The following KIAA1549L variants were observed in gnomAD, a reference collection of about 807,000 sequenced individuals.
KIAA1549L encodes KIAA1549 like.
KIAA1549L carries 88 observed loss-of-function variants against 160.7 expected under a neutral mutation model. The ratio of observed to expected loss-of-function variants is 0.55; its 90% CI spans 0.46 to 0.65. The LOEUF is 0.65. KIAA1549L is among the 30% of genes least tolerant of loss of function. KIAA1549L has a pLI of 0.00. For synonymous variants in KIAA1549L, 950 were observed against 976.7 expected (o/e 0.97, Z 0.51); for missense variants, 2,258 against 2,437.5 (o/e 0.93, Z 1.55).
intron 9 of KIAA1549L, among the ~76,000 whole-genome samples, chr11:33,572,853 T>A (rs1855311549): frequency 6.6e-6 from 1 of 152,252 alleles, no homozygotes; most frequent in Non-Finnish European, 1.5e-5. Context: ...TGGTGTACAT[T>A]AATTCTATAG....
At chr11:33,600,287 C>T (rs1850321384) in intron 13 of KIAA1549L, among the ~76,000 whole-genome samples, 1 of 152,174 alleles carries the variant, frequency 6.6e-6, no homozygotes, top group Admixed American at 6.5e-5. Context: ...AGAAATCCTG[C>T]CATCAGCTCT....
intron 1 of KIAA1549L, among the ~76,000 whole-genome samples, chr11:33,456,002 GATGAAGAGGAC>G (rs1403028354): frequency 6.6e-6 from 1 of 152,182 alleles, no homozygotes; most frequent in African/African-American, 2.4e-5. Flanking sequence ...TGATGGTTGT[GATGAAGAGGAC>G]ATCTCTTAGG....
In KIAA1549L at chr11:33,393,200, C is replaced by T. The variant is rs1383472926; in HGVS notation, c.238+16311C>T. On this transcript the variant is annotated intron_variant, in intron 1 of 20. Transcript: ENST00000658780. ...TCCCCAGAGCCCTTTGCGCCCTTTA[C>T]ATTTTATTCTTTCTGCCTGGGAAGC... Among the ~76,000 whole-genome samples, 3 of 152,330 alleles carry T rather than the reference C, an allele frequency of 2.0e-5. No individual in the cohort carries two copies. In the East Asian group the frequency reaches 5.8e-4, roughly 29 times the overall value.
At position 33,543,136 on chromosome 11, in the gene KIAA1549L, A is replaced by G; in HGVS notation, c.1573A>G (p.Thr525Ala). The G allele has an allele frequency of 2.5e-6, 4 of 1,613,482 alleles. No homozygotes were observed. The highest frequency in any genetic ancestry group is 2.2e-5 in the East Asian group (1 of 44,846). ...CCCATCTCCTGTGCCAGAAATGCCCACTCTTCCAGCAGAGGGCAGTGATGG... is the reference window on the plus strand; with the variant it reads ...CCCATCTCCTGTGCCAGAAATGCCCGCTCTTCCAGCAGAGGGCAGTGATGG... ...ASPSPVPEMP[T>A]LPAEGSDGSP... Residue 525 changes from threonine to alanine, a missense_variant, in exon 2 of 21, where the codon ACT becomes GCT. Around this residue, in one of 6 missense-constraint regions of KIAA1549L, gnomAD observed 540 missense variants for 465.7 expected, o/e 1.16. Transcript: ENST00000658780.
At chr11:33,637,633 G>A (rs1269125315) in intron 16 of KIAA1549L, among the ~76,000 whole-genome samples, 1 of 152,212 alleles carries the variant, frequency 6.6e-6, no homozygotes, top group Non-Finnish European at 1.5e-5. Flanking sequence ...GTGTTGGTAG[G>A]ATTGGTTTCT....
chr11:33,606,079 A>G (rs1197148695), intron 13 of KIAA1549L, among the ~76,000 whole-genome samples: 1 of 152,120 alleles, frequency 6.6e-6, no homozygotes, highest in Non-Finnish European at 1.5e-5. Context: ...TTTATTTTAG[A>G]CAAATAAACC....
At position 33,609,782 on chromosome 11, in the gene KIAA1549L, G is replaced by C; in HGVS notation, c.5095G>C (p.Glu1699Gln). 1 of 1,611,808 alleles carries C rather than the reference G, an allele frequency of 6.2e-7. No homozygotes were observed. ...AGCCCTGAAGCAGAAGTCAGACATC[G>C]AGCACTATCGGAACAAGCTGCGCCT... ...NKALKQKSDI[E>Q]HYRNKLRLKA... The change falls in exon 15 of 21, where the codon GAG becomes CAG. Residue 1699 changes from glutamate to glutamine, a missense_variant. Glu to Gln is a conservative substitution (Grantham distance 29). Coordinates refer to ENST00000658780, the MANE Select transcript of KIAA1549L (RefSeq NM_012194.3).
intron 1 of KIAA1549L, among the ~76,000 whole-genome samples, chr11:33,509,828 C>T (rs1220757479): frequency 1.3e-5 from 2 of 152,236 alleles, no homozygotes; most frequent in Middle Eastern, 3.4e-3. Flanking sequence ...CAATAATGTC[C>T]CTCTCATCAT....
At chr11:33,529,468 T>C (rs1003744343) in intron 1 of KIAA1549L, among the ~76,000 whole-genome samples, 1 of 152,214 alleles carries the variant, frequency 6.6e-6, no homozygotes, top group African/African-American at 2.4e-5. Context: ...CAAGTTATGT[T>C]CCAAATACTC....
chr11:33,643,799 C>G (rs1036596543), intron 16 of KIAA1549L, among the ~76,000 whole-genome samples: 7 of 152,214 alleles, frequency 4.6e-5, no homozygotes, highest in African/African-American at 1.4e-4. Context: ...CTCTGAAATT[C>G]AGTTCTGAAT....
chr11:33,545,751 G>A (rs1854235301), intron 3 of KIAA1549L, among the ~76,000 whole-genome samples: 2 of 152,228 alleles, frequency 1.3e-5, no homozygotes, highest in Non-Finnish European at 2.9e-5. Flanking sequence ...CCTGATATCA[G>A]AAGTCCCAGG....
At chr11:33,484,264 T>G (rs1852474259) in intron 1 of KIAA1549L, among the ~76,000 whole-genome samples, 2 of 152,218 alleles carry the variant, frequency 1.3e-5, no homozygotes, top group African/African-American at 4.8e-5. Context: ...GATATCCACA[T>G]GGAGAATGTC....
At chr11:33,623,880 T>C (rs1383941425) in intron 16 of KIAA1549L, among the ~76,000 whole-genome samples, 6 of 152,198 alleles carry the variant, frequency 3.9e-5, no homozygotes, top group African/African-American at 1.4e-4. Context: ...ACTCAAGTGC[T>C]ATCTGCCTGC....
intron 1 of KIAA1549L, among the ~76,000 whole-genome samples, chr11:33,443,187 A>T (rs938201248): frequency 6.6e-6 from 1 of 152,076 alleles, no homozygotes; most frequent in East Asian, 1.9e-4. Flanking sequence ...TTTTAAAGAG[A>T]CAGGGTCTTG....
rs750430092 is a variant in KIAA1549L at position 33,559,957 on chromosome 11, C to A, written c.4018+46C>A. 5.7e-6 allele frequency: 9 copies of A among 1,574,776 alleles called. No individual in the cohort carries two copies. In the Admixed American group the frequency reaches 1.0e-4, roughly 18 times the overall value. ...GGGGACCCCAGTGTTTCCCCTGTGG[C>A]CTTTCTCCATTTAGCAAACATTTAT... is the stretch of plus-strand genomic sequence containing the variant. On this transcript the variant is annotated intron_variant, in intron 7 of 20. Coordinates refer to ENST00000658780, the MANE Select transcript of KIAA1549L (RefSeq NM_012194.3).
chr11:33,494,931 T>C (rs1311080172), intron 1 of KIAA1549L, among the ~76,000 whole-genome samples: 1 of 152,136 alleles, frequency 6.6e-6, no homozygotes, highest in African/African-American at 2.4e-5. Flanking sequence ...AGCAGAGTGA[T>C]CTTGATAGGA....
chr11:33,485,018 C>T (rs949645218), intron 1 of KIAA1549L, among the ~76,000 whole-genome samples: 16 of 152,214 alleles, frequency 1.1e-4, no homozygotes, highest in Non-Finnish European at 2.2e-4. Context: ...TCCTTCATCC[C>T]CTGATTTTGA....
At chr11:33,637,353 T>G (rs956334611) in intron 16 of KIAA1549L, among the ~76,000 whole-genome samples, 9 of 152,196 alleles carry the variant, frequency 5.9e-5, no homozygotes, top group African/African-American at 2.2e-4. Flanking sequence ...CTAACCGGCC[T>G]CCCATAAATT....
At chr11:33,595,759 T>C (rs1299485193) in intron 12 of KIAA1549L, among the ~76,000 whole-genome samples, 3 of 152,210 alleles carry the variant, frequency 2.0e-5, no homozygotes, top group African/African-American at 7.2e-5. Flanking sequence ...AGATAAAGAC[T>C]GCCTTCCCTC....
Sources: gnomAD v4.1 joint callset for allele counts (sites outside exome capture counted in the v4.1 genomes callset) on GRCh38, gnomAD v4.1.1 for gene constraint, gnomAD v4.1.1 regional missense constraint, MANE v1.5 for transcripts, NCBI Gene and HGNC (gene_info 2026-07-23, HGNC 2026-07-21) for gene names.